LRRC37A2: variants seen among roughly 807,000 people sequenced by gnomAD.
LRRC37A2 encodes leucine rich repeat containing 37 member A2.
In LRRC37A2, 9 loss-of-function variants were observed where a neutral mutation model predicts 68.8. The observed-to-expected ratio is 0.13, with a 90% CI of 0.08 to 0.23. The LOEUF (loss-of-function observed/expected upper bound fraction) is 0.23. LRRC37A2 is among the 10% of genes least tolerant of loss of function. The pLI is 1.00. For synonymous variants in LRRC37A2, 63 were observed against 367.6 expected (o/e 0.17, Z 9.48); for missense variants, 168 against 950.4 (o/e 0.18, Z 10.82).
the LRRC37A2 span, among the ~76,000 whole-genome samples, chr17:46,951,238 G>A: frequency 2.6e-5 from 4 of 152,264 alleles, no homozygotes; most frequent in African/African-American, 9.6e-5. Flanking sequence ...CTGGAACGGC[G>A]GGTTCCAGAG....
At chr17:46,983,869 C>A in the LRRC37A2 span, among the ~76,000 whole-genome samples, 1 of 152,172 alleles carries the variant, frequency 6.6e-6, no homozygotes, top group African/African-American at 2.4e-5. Context: ...AAAGCCTGAC[C>A]AGGGAGGGGC....
chr17:46,981,388 G>A, the LRRC37A2 span, among the ~76,000 whole-genome samples: 1 of 152,178 alleles, frequency 6.6e-6, no homozygotes, highest in South Asian at 2.1e-4. Context: ...ATTGTCTCAG[G>A]AGTGGGTTCT....
the LRRC37A2 span, among the ~76,000 whole-genome samples, chr17:46,915,102 T>G: frequency 1.3e-5 from 2 of 152,228 alleles, no homozygotes; most frequent in African/African-American, 4.8e-5. Flanking sequence ...CTCTTGATTT[T>G]GTGGGACAGG....
the LRRC37A2 span, among the ~76,000 whole-genome samples, chr17:47,034,226 T>C: frequency 2.0e-5 from 3 of 152,222 alleles, no homozygotes; most frequent in Non-Finnish European, 4.4e-5. Context: ...AAAACATTCA[T>C]ATCATTTGGT....
chr17:46,799,430 G>A, the LRRC37A2 span, among the ~76,000 whole-genome samples: 1 of 144,706 alleles, frequency 6.9e-6, no homozygotes, highest in Non-Finnish European at 1.5e-5. Flanking sequence ...CTTCAACTCA[G>A]TTTCTATTAT....
the LRRC37A2 span, among the ~76,000 whole-genome samples, chr17:46,891,935 T>C: frequency 2.1e-5 from 3 of 140,576 alleles, no homozygotes; most frequent in Non-Finnish European, 4.6e-5. Flanking sequence ...TTTTTTTTTT[T>C]TTGAGATGGA....
the LRRC37A2 span, among the ~76,000 whole-genome samples, chr17:46,814,202 T>C: frequency 6.6e-6 from 1 of 152,232 alleles, no homozygotes; most frequent in Non-Finnish European, 1.5e-5. Context: ...CCCGGAGCTG[T>C]TGACAAAATG....
chr17:46,921,284 GA>G, the LRRC37A2 span: 2 of 152,188 alleles, frequency 1.3e-5, no homozygotes, highest in African/African-American at 4.8e-5. Context: ...GCCATATGTA[GA>G]AAGCTGAAAC....
chr17:46,794,730 TTTTC>T, the LRRC37A2 span, among the ~76,000 whole-genome samples: 21 of 150,378 alleles, frequency 1.4e-4, no homozygotes, highest in African/African-American at 4.2e-4. Flanking sequence ...CAGGACTTTC[TTTTC>T]TTTCTTTCTT....
chr17:46,931,512 T>C, the LRRC37A2 span: 3 of 442,330 alleles, frequency 6.8e-6, no homozygotes, highest in Non-Finnish European at 1.2e-5. Flanking sequence ...AATGTTGCCA[T>C]GGAGTTTTGT....
chr17:46,993,634 C>A, the LRRC37A2 span, among the ~76,000 whole-genome samples: 3 of 152,362 alleles, frequency 2.0e-5, no homozygotes, highest in East Asian at 5.8e-4. Flanking sequence ...TGGAATTTTT[C>A]TGTGTTCCCT....
chr17:46,494,269 T>C, the LRRC37A2 span, among the ~76,000 whole-genome samples: 1 of 150,832 alleles, frequency 6.6e-6, no homozygotes, highest in East Asian at 1.9e-4. Context: ...AGCGGTGTCT[T>C]TTTCCCAGAG....
At chr17:46,958,359 C>T in the LRRC37A2 span, among the ~76,000 whole-genome samples, 163 of 152,328 alleles carry the variant, frequency 1.1e-3, 2 homozygotes, top group East Asian at 0.028. Context: ...AAATCCACTC[C>T]TGACAGTTGC....
At chr17:46,847,354 G>T in the LRRC37A2 span, among the ~76,000 whole-genome samples, 1 of 152,156 alleles carries the variant, frequency 6.6e-6, no homozygotes. Context: ...CATCTTTCTG[G>T]ACTTTAGTGC....
At chr17:46,896,838 G>C in the LRRC37A2 span, among the ~76,000 whole-genome samples, 1 of 152,178 alleles carries the variant, frequency 6.6e-6, no homozygotes, top group Admixed American at 6.5e-5. Flanking sequence ...TGTGTGGGGA[G>C]AAAGTCACAC....
the LRRC37A2 span, chr17:47,017,356 G>A: frequency 6.3e-7 from 1 of 1,576,274 alleles, no homozygotes; most frequent in South Asian, 1.1e-5. Context: ...AACCCCCTGG[G>A]GCCGCCTGAG....
the LRRC37A2 span, among the ~76,000 whole-genome samples, chr17:46,838,334 A>C: frequency 2.6e-4 from 40 of 152,110 alleles, no homozygotes; most frequent in African/African-American, 9.4e-4. Context: ...AAAAAAAAAA[A>C]AAAAATCACA....
the LRRC37A2 span, among the ~76,000 whole-genome samples, chr17:46,746,748 G>C: frequency 1.3e-5 from 2 of 152,080 alleles, no homozygotes; most frequent in African/African-American, 4.8e-5. Flanking sequence ...TTGGTTATTT[G>C]GCCTTGAACA....
chr17:47,025,120 T>C, the LRRC37A2 span, among the ~76,000 whole-genome samples: 1 of 152,206 alleles, frequency 6.6e-6, no homozygotes, highest in Non-Finnish European at 1.5e-5. Flanking sequence ...AGAATGGTTT[T>C]TGCATTTTTA....
Sources: allele counts gnomAD v4.1 joint callset (sites outside exome capture counted in the v4.1 genomes callset), GRCh38; gene constraint gnomAD v4.1.1; transcripts MANE v1.5; gene names NCBI Gene and HGNC (gene_info 2026-07-23, HGNC 2026-07-21).